The following DOCK2 variants were observed in gnomAD, a reference collection of about 807,000 sequenced individuals.
DOCK2 encodes dedicator of cytokinesis protein 2.
Under a neutral mutation model 248.9 loss-of-function variants are expected in DOCK2, and 87 were observed. The ratio of observed to expected loss-of-function variants is 0.35; its 90% CI spans 0.29 to 0.42. DOCK2 has a LOEUF of 0.42. Among genes scored for constraint, DOCK2 ranks in the 10% least tolerant of loss-of-function variants. The pLI is 1.00. For synonymous variants in DOCK2, 805 were observed against 821.6 expected (o/e 0.98, Z 0.35); for missense variants, 1,747 against 2,300.2 (o/e 0.76, Z 4.92).
In DOCK2 at chr5:170,083,233, T is replaced by G. The variant is rs561065553; in HGVS notation, c.*375T>G. ...TCAGAACTTAACAGAAAAGGAAGCC[T>G]TTTAAATATTCTTTTTAATTTTATT... On this transcript the variant is annotated 3_prime_UTR_variant, in exon 52 of 52. Transcript: ENST00000520908. 1.1e-5 allele frequency: 2 copies of G among 177,194 alleles called. No homozygotes were observed. Among genetic ancestry groups the G allele is most frequent in the East Asian group, 2.9e-4 (2 of 6,940 alleles). 11.0% of individuals were successfully genotyped at this position (177,194 alleles called of 1,614,324 possible). A position where few individuals can be genotyped will look rare whatever the true frequency, so the allele number is the denominator to read the frequency against.
intron 27 of DOCK2, among the ~76,000 whole-genome samples, chr5:169,942,078 T>A (rs76345647): frequency 6.7e-4 from 102 of 152,350 alleles, no homozygotes; most frequent in East Asian, 5.8e-3. Context: ...GATGTGGGCC[T>A]GTCTCTAATT....
chr5:169,756,639 C>T (rs1764209018), intron 23 of DOCK2, among the ~76,000 whole-genome samples: 1 of 152,122 alleles, frequency 6.6e-6, no homozygotes, highest in Non-Finnish European at 1.5e-5. Context: ...GAAGTGCTTG[C>T]ACCAGGCCAG....
intron 25 of DOCK2, among the ~76,000 whole-genome samples, chr5:169,791,382 A>C (rs376910481): frequency 6.6e-6 from 1 of 152,252 alleles, no homozygotes; most frequent in Non-Finnish European, 1.5e-5. Flanking sequence ...CTAAAGACTC[A>C]ACCACTGAGT....
In DOCK2 at chr5:170,036,562, T is replaced by C. The variant is rs1756330078; in HGVS notation, c.3665+7T>C. On this transcript the variant is annotated splice_region_variant and intron_variant, in intron 36 of 51. Coordinates refer to ENST00000520908, the MANE Select transcript of DOCK2 (RefSeq NM_004946.3). ...GGGAGGAGATGTACATAAGGTAAGA[T>C]TCATATTTTCTAAAATCCAGACCTG... 6.2e-7 allele frequency: 1 copy of C among 1,612,596 alleles called. No individual in the cohort carries two copies. Among genetic ancestry groups the C allele is most frequent in the South Asian group, 1.1e-5 (1 of 90,632 alleles).
chr5:169,684,068 A>T, intron 7 of DOCK2, 128 bp from the exon 8 acceptor site: 1 of 1,084,454 alleles, frequency 9.2e-7, no homozygotes, highest in Non-Finnish European at 1.3e-6. Flanking sequence ...GAAGCTTTTG[A>T]TGGCAGAGCT....
chr5:169,715,499 A>C (rs1761847510), intron 19 of DOCK2, among the ~76,000 whole-genome samples: 1 of 152,138 alleles, frequency 6.6e-6, no homozygotes, highest in South Asian at 2.1e-4. Flanking sequence ...GTAACTCCCC[A>C]AGACACCACT....
chr5:169,747,172 G>A (rs911137365), intron 22 of DOCK2, among the ~76,000 whole-genome samples: 3 of 152,164 alleles, frequency 2.0e-5, no homozygotes, highest in East Asian at 1.9e-4. Context: ...TACGGCAGAA[G>A]GTGTATGCCC....
intron 2 of DOCK2, among the ~76,000 whole-genome samples, chr5:169,657,459 T>C (rs952666731): frequency 1.3e-5 from 2 of 152,192 alleles, no homozygotes; most frequent in East Asian, 3.8e-4. Flanking sequence ...TGAATCACAA[T>C]ACAAGAATAT....
chr5:169,660,979 A>C, intron 2 of DOCK2, among the ~76,000 whole-genome samples: 1 of 152,320 alleles, frequency 6.6e-6, no homozygotes, highest in Middle Eastern at 3.4e-3. Context: ...AGTGCAAAAA[A>C]AAAATGATAT....
In DOCK2 at chr5:169,954,680, C is replaced by G. The variant is rs112569681; in HGVS notation, c.2800-28388C>G. 2.2e-3 allele frequency among the ~76,000 whole-genome samples: 336 copies of G among 152,336 alleles called. 3 individuals carry two copies. The highest frequency in any genetic ancestry group is 7.8e-3 in the African/African-American group (323 of 41,572). On this transcript the variant is annotated intron_variant, in intron 27 of 51. Transcript: ENST00000520908. ...AGTTTGGTTCTCCAAATGCAGAATC[C>G]TGGGCCCTTTCAAACTTGTTGTTGT...
chr5:169,699,353 G>A (rs1422610318), intron 11 of DOCK2, 29 bp from the exon 12 acceptor site: 1 of 1,608,192 alleles, frequency 6.2e-7, no homozygotes, highest in South Asian at 1.1e-5. Context: ...ACACGATGTG[G>A]ACATTTCATG....
intron 25 of DOCK2, among the ~76,000 whole-genome samples, chr5:169,786,279 G>T (rs566490254): frequency 6.5e-4 from 99 of 152,248 alleles, no homozygotes; most frequent in African/African-American, 2.3e-3. Flanking sequence ...TACTTAAAGT[G>T]GGCACACTTC....
At chr5:169,897,957 A>G (rs1773708763) in intron 27 of DOCK2, among the ~76,000 whole-genome samples, 1 of 152,226 alleles carries the variant, frequency 6.6e-6, no homozygotes, top group Non-Finnish European at 1.5e-5. Flanking sequence ...GAAATAAAGG[A>G]GCAGGCTAGC....
intron 26 of DOCK2, among the ~76,000 whole-genome samples, chr5:169,817,472 AT>A (rs1768135824): frequency 6.6e-6 from 1 of 152,168 alleles, no homozygotes; most frequent in African/African-American, 2.4e-5. Context: ...TTCGGACCTT[AT>A]TTCCCAGCAC....
At chr5:169,975,793 G>T (rs542618584) in intron 27 of DOCK2, among the ~76,000 whole-genome samples, 1 of 152,040 alleles carries the variant, frequency 6.6e-6, no homozygotes, top group Non-Finnish European at 1.5e-5. Context: ...TCTGTTCCTG[G>T]CTCTTCCCAA....
intron 1 of DOCK2, among the ~76,000 whole-genome samples, chr5:169,638,703 G>C (rs976945503): frequency 5.9e-5 from 9 of 152,214 alleles, no homozygotes; most frequent in African/African-American, 2.2e-4. Flanking sequence ...ATTCAGGACA[G>C]TCATGCCTTA....
At chr5:169,986,099 A>G (rs1778062104) in intron 29 of DOCK2, among the ~76,000 whole-genome samples, 177 bp downstream of exon 29, 1 of 152,212 alleles carries the variant, frequency 6.6e-6, no homozygotes, top group Admixed American at 6.5e-5. Flanking sequence ...GAAGCTACTC[A>G]AAAAATCGTC....
At chr5:169,671,931 G>A (rs950354875) in intron 5 of DOCK2, among the ~76,000 whole-genome samples, 16 of 152,148 alleles carry the variant, frequency 1.1e-4, no homozygotes, top group African/African-American at 3.6e-4. Flanking sequence ...TTAGAAAAGT[G>A]TAGGGGAAAA....
At chr5:169,818,772 T>C (rs765964086) in intron 26 of DOCK2, among the ~76,000 whole-genome samples, 1 of 152,086 alleles carries the variant, frequency 6.6e-6, no homozygotes, top group Non-Finnish European at 1.5e-5. Context: ...CGCAAACATA[T>C]CTTTGAGACA....
Sources: allele counts gnomAD v4.1 joint callset (sites outside exome capture counted in the v4.1 genomes callset), GRCh38; gene constraint gnomAD v4.1.1; transcripts MANE v1.5; gene names NCBI Gene and HGNC (gene_info 2026-07-23, HGNC 2026-07-21).